RIMS2: variants seen among roughly 807,000 people sequenced by gnomAD.
RIMS2 encodes regulating synaptic membrane exocytosis protein 2.
In RIMS2, 59 loss-of-function variants were observed where a neutral mutation model predicts 174.4. That is an observed-to-expected ratio of 0.34 (90% CI 0.27 to 0.42). The LOEUF (loss-of-function observed/expected upper bound fraction) is 0.42, where lower values mean the gene tolerates loss of function less well. Among genes scored for constraint, RIMS2 ranks in the 10% least tolerant of loss-of-function variants. RIMS2 has a pLI of 1.00. For missense variants in RIMS2, 1,620 were observed against 1,666.3 expected (o/e 0.97, Z 0.48); for synonymous variants, 606 against 572.5 (o/e 1.06, Z -0.84).
At chr8:103,894,613 G>T (rs1256837587) in intron 4 of RIMS2, among the ~76,000 whole-genome samples, 2 of 151,548 alleles carry the variant, frequency 1.3e-5, no homozygotes, top group Non-Finnish European at 2.9e-5. Flanking sequence ...TCTTATTACA[G>T]ATCAGTGGTA....
At chr8:103,500,736 T>A (rs1224137953), upstream of RIMS2, 6 of 524,202 alleles carry the variant, frequency 1.1e-5, no homozygotes, top group Non-Finnish European at 2.0e-5. Context: ...CTGCTTTTCT[T>A]GGGGGAGGGG....
At chr8:103,647,552 CTGGGCTTTTT>C (rs1433700574) in intron 1 of RIMS2, among the ~76,000 whole-genome samples, 1 of 152,090 alleles carries the variant, frequency 6.6e-6, no homozygotes, top group Non-Finnish European at 1.5e-5. Flanking sequence ...CCATCTCGTC[CTGGGCTTTTT>C]TGGGTTGGTA....
chr8:103,875,559 A>AC (rs2099132253), intron 3 of RIMS2, among the ~76,000 whole-genome samples: 1 of 151,998 alleles, frequency 6.6e-6, no homozygotes, highest in East Asian at 1.9e-4. Flanking sequence ...CGTAAATTGT[A>AC]CTGTGATAAA....
At chr8:104,214,911 T>A (rs1037645927) in intron 19 of RIMS2, among the ~76,000 whole-genome samples, 1 of 152,218 alleles carries the variant, frequency 6.6e-6, no homozygotes, top group African/African-American at 2.4e-5. Context: ...ATCTAGGTGA[T>A]GTTTGACCTG....
intron 2 of RIMS2, among the ~76,000 whole-genome samples, chr8:103,741,151 T>C (rs1018151695): frequency 1.3e-5 from 2 of 151,976 alleles, no homozygotes; most frequent in African/African-American, 2.4e-5. Context: ...ATATAAGACA[T>C]AAAATTTTAC....
At chr8:103,635,902 G>A (rs1477573501) in intron 1 of RIMS2, among the ~76,000 whole-genome samples, 1 of 151,664 alleles carries the variant, frequency 6.6e-6, no homozygotes, top group Non-Finnish European at 1.5e-5. Context: ...CTTTTGGCTG[G>A]AGAGCTTGGG....
At chr8:103,923,887 A>G (rs1239995864) in intron 10 of RIMS2, among the ~76,000 whole-genome samples, 2 of 151,728 alleles carry the variant, frequency 1.3e-5, no homozygotes, top group African/African-American at 2.4e-5. Context: ...AAATTTTTAA[A>G]CAAAACTAAA....
intron 19 of RIMS2, among the ~76,000 whole-genome samples, chr8:104,056,027 A>T (rs1274968385): frequency 6.6e-6 from 1 of 152,204 alleles, no homozygotes; most frequent in African/African-American, 2.4e-5. Context: ...AATGTTAAAA[A>T]TTTCTAAGAG....
At chr8:103,519,733 CTTTTT>C (rs56922734) in intron 1 of RIMS2, among the ~76,000 whole-genome samples, 14 of 131,376 alleles carry the variant, frequency 1.1e-4, no homozygotes, top group African/African-American at 1.1e-4. Context: ...GGCTTTACTA[CTTTTT>C]TTTTTTTTTT....
intron 17 of RIMS2, among the ~76,000 whole-genome samples, chr8:103,998,930 A>G (rs1184720621): frequency 2.0e-5 from 3 of 151,824 alleles, no homozygotes; most frequent in East Asian, 3.9e-4. Flanking sequence ...TATAATAGCA[A>G]GAAGGGTTAA....
intron 1 of RIMS2, among the ~76,000 whole-genome samples, chr8:103,578,756 C>T (rs922248247): frequency 3.9e-5 from 6 of 152,062 alleles, no homozygotes; most frequent in African/African-American, 9.7e-5. Flanking sequence ...AATCCCAGCA[C>T]TTTGGGAGGC....
intron 2 of RIMS2, among the ~76,000 whole-genome samples, chr8:103,737,175 C>CTTTTTTTTTTTTTTTTTTTTTTTTT (rs554949027): frequency 5.9e-5 from 4 of 67,508 alleles, no homozygotes; most frequent in Non-Finnish European, 7.7e-5. Flanking sequence ...TTTCTTTGTT[C>CTTTTTTTTTTTTTTTTTTTTTTTTT]TTTTTTTTTT....
At chr8:103,794,026 C>T (rs1002207947) in intron 3 of RIMS2, among the ~76,000 whole-genome samples, 4 of 152,084 alleles carry the variant, frequency 2.6e-5, no homozygotes, top group Non-Finnish European at 5.9e-5. Flanking sequence ...TTTATAGATT[C>T]AATGCCATCC....
intron 1 of RIMS2, among the ~76,000 whole-genome samples, chr8:103,606,626 G>T (rs1324008408): frequency 3.3e-5 from 5 of 152,114 alleles, no homozygotes; most frequent in Non-Finnish European, 5.9e-5. Context: ...TTATTAATGT[G>T]TGGGAGTCTA....
chr8:104,007,348 A>G (rs2095620660), intron 17 of RIMS2, among the ~76,000 whole-genome samples: 1 of 152,128 alleles, frequency 6.6e-6, no homozygotes, highest in South Asian at 2.1e-4. Flanking sequence ...TATTACTTGG[A>G]AATTACCTTT....
At chr8:103,663,071 A>C (rs1447759117) in intron 1 of RIMS2, among the ~76,000 whole-genome samples, 1 of 152,086 alleles carries the variant, frequency 6.6e-6, no homozygotes, top group Non-Finnish European at 1.5e-5. Flanking sequence ...CAGGGGGCTG[A>C]GGCAGGAGAA....
intron 15 of RIMS2, among the ~76,000 whole-genome samples, chr8:103,962,981 C>A (rs2090649284): frequency 6.6e-6 from 1 of 151,638 alleles, no homozygotes; most frequent in Non-Finnish European, 1.5e-5. Context: ...TTTTTCATAA[C>A]CCATCACTTT....
intron 19 of RIMS2, among the ~76,000 whole-genome samples, chr8:104,168,099 T>C (rs2135265518): frequency 6.6e-6 from 1 of 152,258 alleles, no homozygotes; most frequent in Admixed American, 6.5e-5. Flanking sequence ...TTGTGTAATG[T>C]GATGCCTCCA....
rs965937285 is a variant in RIMS2, at chr8:103,672,080, T to G, written c.177-25006T>G. On this transcript the variant is annotated intron_variant, in intron 1 of 23. Transcript: ENST00000504942. ...GATCACTAGTCACTGTAAATAATAT[T>G]TATTTAGCCAAAGGGATAAATAAAA... Among the ~76,000 whole-genome samples, 5 of 152,310 alleles carry G rather than the reference T, an allele frequency of 3.3e-5. 1 individual carries two copies. In the Middle Eastern group the frequency reaches 0.01, roughly 311 times the overall value.
Sources: gnomAD v4.1 joint callset for allele counts (sites outside exome capture counted in the v4.1 genomes callset) on GRCh38, gnomAD v4.1.1 for gene constraint, MANE v1.5 for transcripts, NCBI Gene and HGNC (gene_info 2026-07-23, HGNC 2026-07-21) for gene names.